EXOC4: variants seen among roughly 807,000 people sequenced by gnomAD.
EXOC4 encodes SEC8-like 1.
Under a neutral mutation model 107.2 loss-of-function variants are expected in EXOC4, and 71 were observed. The ratio of observed to expected loss-of-function variants is 0.66; its 90% CI spans 0.55 to 0.81. The LOEUF (loss-of-function observed/expected upper bound fraction) is 0.81, where lower values mean the gene tolerates loss of function less well. Among genes scored for constraint, EXOC4 ranks in the 30% least tolerant of loss-of-function variants. The probability of loss-of-function intolerance (pLI) is 0.00; values close to 1 mark genes in which losing one functional copy is unlikely to be tolerated. For missense variants in EXOC4, 1,108 were observed against 1,189.6 expected, an observed-to-expected ratio of 0.93 and a Z score of 1.01; for synonymous variants, 456 against 441.2, an observed-to-expected ratio of 1.03 and a Z score of -0.42.
intron 4 of EXOC4, among the ~76,000 whole-genome samples, chr7:133,306,296 A>G (rs746551324): frequency 1.4e-4 from 22 of 152,218 alleles, no homozygotes; most frequent in Non-Finnish European, 2.2e-4. Context: ...AGGATATATA[A>G]GAAGCATTTA....
intron 5 of EXOC4, among the ~76,000 whole-genome samples, chr7:133,343,884 C>T (rs1218057740): frequency 2.6e-5 from 4 of 151,328 alleles, no homozygotes; most frequent in Admixed American, 2.6e-4. Flanking sequence ...TGCAATCATA[C>T]CTCTCTGCAG....
chr7:133,465,986 A>C (rs1798719319), intron 7 of EXOC4, among the ~76,000 whole-genome samples: 1 of 152,116 alleles, frequency 6.6e-6, no homozygotes, highest in Admixed American at 6.5e-5. Flanking sequence ...AAATACAAAA[A>C]ATTAGCTGGG....
At chr7:133,696,949 T>C (rs906163707) in intron 10 of EXOC4, among the ~76,000 whole-genome samples, 1 of 152,208 alleles carries the variant, frequency 6.6e-6, no homozygotes, top group Non-Finnish European at 1.5e-5. Flanking sequence ...TTAATAAACA[T>C]TTTTTGAGCA....
At chr7:133,759,648 A>G (rs1795993692) in intron 10 of EXOC4, among the ~76,000 whole-genome samples, 1 of 152,186 alleles carries the variant, frequency 6.6e-6, no homozygotes, top group South Asian at 2.1e-4. Flanking sequence ...TAAAGTTGTC[A>G]TTAGATACTT....
intron 7 of EXOC4, among the ~76,000 whole-genome samples, chr7:133,381,410 T>C (rs566981242): frequency 6.6e-6 from 1 of 152,132 alleles, no homozygotes; most frequent in Non-Finnish European, 1.5e-5. Context: ...AGAAAGGTTT[T>C]GGAGATTGAT....
intron 10 of EXOC4, among the ~76,000 whole-genome samples, chr7:133,684,067 A>G (rs1794242888): frequency 6.6e-6 from 1 of 152,202 alleles, no homozygotes; most frequent in Non-Finnish European, 1.5e-5. Context: ...TTGTTCTGCC[A>G]TAGCATACAC....
At chr7:133,799,985 T>G (rs1211201714) in intron 10 of EXOC4, among the ~76,000 whole-genome samples, 1 of 152,116 alleles carries the variant, frequency 6.6e-6, no homozygotes, top group African/African-American at 2.4e-5. Context: ...TGTAGCTTTA[T>G]AGAAGGCACT....
intron 5 of EXOC4, among the ~76,000 whole-genome samples, chr7:133,341,068 C>T (rs898461721): frequency 1.8e-4 from 27 of 151,932 alleles, no homozygotes; most frequent in African/African-American, 6.5e-4. Flanking sequence ...TTTTCTGCAG[C>T]TGGGTTTGGG....
intron 11 of EXOC4, among the ~76,000 whole-genome samples, chr7:133,830,974 G>A (rs180808242): frequency 1.3e-5 from 2 of 152,032 alleles, no homozygotes; most frequent in Admixed American, 1.3e-4. Context: ...TTGTTTGTTT[G>A]TTTGTTTTGA....
intron 10 of EXOC4, among the ~76,000 whole-genome samples, chr7:133,718,253 C>T (rs187592658): frequency 2.6e-4 from 40 of 152,162 alleles, no homozygotes; most frequent in African/African-American, 8.7e-4. Context: ...CCTGGTATTC[C>T]GCCTTACCAC....
At chr7:133,752,411 C>T (rs772488480) in intron 10 of EXOC4, among the ~76,000 whole-genome samples, 1 of 152,124 alleles carries the variant, frequency 6.6e-6, no homozygotes, top group Non-Finnish European at 1.5e-5. Flanking sequence ...TCCCAGTCCA[C>T]AATATTCTCA....
intron 7 of EXOC4, among the ~76,000 whole-genome samples, chr7:133,426,321 C>T (rs1185448819): frequency 3.3e-5 from 5 of 152,150 alleles, no homozygotes; most frequent in African/African-American, 4.8e-5. Flanking sequence ...GGCTCTGAAT[C>T]TGTTAAGGAA....
At chr7:133,412,601 G>C (rs1797386705) in intron 7 of EXOC4, among the ~76,000 whole-genome samples, 1 of 151,838 alleles carries the variant, frequency 6.6e-6, no homozygotes, top group Admixed American at 6.6e-5. Context: ...TGAGGCAGGA[G>C]AATTGCTTGA....
At chr7:133,404,672 C>T (rs1424209099) in intron 7 of EXOC4, among the ~76,000 whole-genome samples, 1 of 151,996 alleles carries the variant, frequency 6.6e-6, no homozygotes, top group Non-Finnish European at 1.5e-5. Flanking sequence ...ATGACTCTGA[C>T]CTGTGCACAG....
chr7:133,285,951 T>C (rs1053920357), intron 2 of EXOC4, among the ~76,000 whole-genome samples: 4 of 152,132 alleles, frequency 2.6e-5, no homozygotes, highest in African/African-American at 7.2e-5. Flanking sequence ...GTGGAGACAG[T>C]GTCTCCCTGT....
intron 7 of EXOC4, among the ~76,000 whole-genome samples, chr7:133,446,357 C>T (rs35643081): frequency 6.6e-6 from 1 of 152,158 alleles, no homozygotes; most frequent in Admixed American, 6.5e-5. Flanking sequence ...TCGCCCTACT[C>T]TGTGCTGTAA....
intron 17 of EXOC4, among the ~76,000 whole-genome samples, chr7:134,038,059 C>T (rs1795431982): frequency 6.6e-6 from 1 of 152,168 alleles, no homozygotes; most frequent in South Asian, 2.1e-4. Flanking sequence ...TCTAGGCCCC[C>T]TATACCTACT....
At chr7:133,524,918 T>C (rs1584977342) in intron 9 of EXOC4, among the ~76,000 whole-genome samples, 1 of 152,184 alleles carries the variant, frequency 6.6e-6, no homozygotes, top group Non-Finnish European at 1.5e-5. Context: ...GAATATCTCT[T>C]ATATAGAGAT....
rs568908693 is a variant in EXOC4 at position 133,664,954 on chromosome 7, A to G, written c.1514+34813A>G. Among the ~76,000 whole-genome samples the G allele has an allele frequency of 2.2e-3, 330 of 152,242 alleles. 1 individual carries two copies. Among genetic ancestry groups the G allele is most frequent in the African/African-American group, 7.2e-3 (300 of 41,556 alleles). On this transcript the variant is annotated intron_variant, in intron 10 of 17. Transcript: ENST00000253861. Reference sequence around the variant, plus strand: ...TCTCCTTTCTTTGTTTTGTAAGTACATGCATTTTGGCTGAAAAAGATACAG... The same window carrying G: ...TCTCCTTTCTTTGTTTTGTAAGTACGTGCATTTTGGCTGAAAAAGATACAG...
Sources: allele counts gnomAD v4.1 joint callset (sites outside exome capture counted in the v4.1 genomes callset), GRCh38; gene constraint gnomAD v4.1.1; transcripts MANE v1.5; gene names NCBI Gene and HGNC (gene_info 2026-07-23, HGNC 2026-07-21).